The following ZZZ3 variants were observed in gnomAD, a reference collection of about 807,000 sequenced individuals.
ZZZ3 encodes ZZ-type zinc finger-containing protein 3.
In ZZZ3, 22 loss-of-function variants were observed where a neutral mutation model predicts 95.2. The ratio of observed to expected loss-of-function variants is 0.23; its 90% CI spans 0.17 to 0.33. The LOEUF (loss-of-function observed/expected upper bound fraction) is 0.33, where lower values mean the gene tolerates loss of function less well. Among genes scored for constraint, ZZZ3 ranks in the 10% least tolerant of loss-of-function variants. The probability of loss-of-function intolerance (pLI) is 1.00; values close to 1 mark genes in which losing one functional copy is unlikely to be tolerated. For synonymous variants in ZZZ3, 335 were observed against 358.9 expected (o/e 0.93, Z 0.75); for missense variants, 885 against 1,066.5 (o/e 0.83, Z 2.37).
At chr1:77,598,068 A>C (rs769216782) in intron 5 of ZZZ3, among the ~76,000 whole-genome samples, 1 of 152,140 alleles carries the variant, frequency 6.6e-6, no homozygotes, top group Non-Finnish European at 1.5e-5. Context: ...TCGACCCTTG[A>C]GCAACAACAG....
At chr1:77,618,801 A>G (rs1393617570) in intron 5 of ZZZ3, among the ~76,000 whole-genome samples, 1 of 152,234 alleles carries the variant, frequency 6.6e-6, no homozygotes, top group Non-Finnish European at 1.5e-5. Flanking sequence ...AGTAACTTGT[A>G]TAGGAAATTT....
intron 1 of ZZZ3, among the ~76,000 whole-genome samples, chr1:77,672,963 T>C (rs946958207): frequency 2.0e-5 from 3 of 152,110 alleles, no homozygotes; most frequent in African/African-American, 7.2e-5. Context: ...GGCTAAAACT[T>C]TACAATCATT....
intron 11 of ZZZ3, among the ~76,000 whole-genome samples, chr1:77,578,470 TTAAA>T (rs1049032850): frequency 3.3e-5 from 5 of 152,230 alleles, no homozygotes; most frequent in African/African-American, 1.2e-4. Context: ...GATTGATTTA[TTAAA>T]TAATCAAATA....
chr1:77,623,118 CTG>C (rs1160733469), intron 5 of ZZZ3, among the ~76,000 whole-genome samples: 1 of 152,136 alleles, frequency 6.6e-6, no homozygotes, highest in African/African-American at 2.4e-5. Context: ...CAGCATGTAA[CTG>C]TGATCTGTGA....
intron 1 of ZZZ3, among the ~76,000 whole-genome samples, chr1:77,679,505 G>A (rs1672557430): frequency 6.6e-6 from 1 of 151,948 alleles, no homozygotes; most frequent in Non-Finnish European, 1.5e-5. Context: ...GTCTGACTAT[G>A]TTGTTGCTGG....
chr1:77,626,349 T>G (rs1667333966), intron 5 of ZZZ3, among the ~76,000 whole-genome samples: 1 of 152,214 alleles, frequency 6.6e-6, no homozygotes, highest in African/African-American at 2.4e-5. Context: ...TATTCCATTG[T>G]AATATCTAAT....
intron 5 of ZZZ3, among the ~76,000 whole-genome samples, chr1:77,586,627 G>A (rs1229461548): frequency 1.3e-5 from 2 of 152,132 alleles, no homozygotes; most frequent in Non-Finnish European, 2.9e-5. Context: ...GGCAAATAAA[G>A]TACAGTTCTT....
intron 1 of ZZZ3, among the ~76,000 whole-genome samples, chr1:77,655,449 C>A (rs1470683045): frequency 6.6e-6 from 1 of 152,300 alleles, no homozygotes; most frequent in Non-Finnish European, 1.5e-5. Context: ...CATGTGAAGA[C>A]ACAGTGAGAA....
intron 3 of ZZZ3, chr1:77,641,173 T>C (rs1668747033): frequency 6.0e-6 from 1 of 167,118 alleles, no homozygotes; most frequent in Non-Finnish European, 1.3e-5. Context: ...CAGTGTGTGA[T>C]GGTAGTAGCA....
chr1:77,676,401 G>A (rs1222372695), intron 1 of ZZZ3, among the ~76,000 whole-genome samples: 1 of 152,184 alleles, frequency 6.6e-6, no homozygotes, highest in East Asian at 1.9e-4. Context: ...ATCCTGGGCT[G>A]AAGCGATCCT....
chr1:77,648,175 T>A (rs560816743), intron 1 of ZZZ3, among the ~76,000 whole-genome samples: 1 of 151,734 alleles, frequency 6.6e-6, no homozygotes, highest in East Asian at 1.9e-4. Flanking sequence ...CTGAGCAACA[T>A]GGCAAGACCC....
intron 1 of ZZZ3, among the ~76,000 whole-genome samples, chr1:77,664,365 A>T (rs965471556): frequency 2.0e-5 from 3 of 152,206 alleles, no homozygotes; most frequent in Non-Finnish European, 4.4e-5. Flanking sequence ...TCAATGATCC[A>T]TCAGAATTAA....
At chr1:77,619,237 T>G (rs879391512) in intron 5 of ZZZ3, among the ~76,000 whole-genome samples, 1 of 152,168 alleles carries the variant, frequency 6.6e-6, no homozygotes, top group East Asian at 1.9e-4. Flanking sequence ...AGTTAAAAAC[T>G]AATACTGTAA....
At position 77,675,743 on chromosome 1, in the gene ZZZ3, T is replaced by C. The variant is rs992786759; in HGVS notation, c.-403+6842A>G. On this transcript the variant is annotated intron_variant, in intron 1 of 14. Transcript: ENST00000370801. ...AATAAAATTAACAGCTTTGTAGCCA[T>C]CACAATTTCAAAATGTAAACAAACA... is the stretch of plus-strand genomic sequence containing the variant. Among the ~76,000 whole-genome samples, 17 of 152,314 alleles carry C rather than the reference T, an allele frequency of 1.1e-4. No homozygotes were observed. In the East Asian group the frequency reaches 3.3e-3, roughly 29 times the overall value.
At chr1:77,583,957 C>T (rs1196651022) in intron 6 of ZZZ3, among the ~76,000 whole-genome samples, 2 of 151,948 alleles carry the variant, frequency 1.3e-5, no homozygotes, top group Non-Finnish European at 2.9e-5. Context: ...TTCAGAAAAA[C>T]AAAATTATGG....
intron 5 of ZZZ3, among the ~76,000 whole-genome samples, chr1:77,625,701 A>G (rs1667269601): frequency 6.6e-6 from 1 of 152,078 alleles, no homozygotes; most frequent in Non-Finnish European, 1.5e-5. Context: ...TCAAAAAGAA[A>G]AGGTTAAGCC....
intron 6 of ZZZ3, among the ~76,000 whole-genome samples, chr1:77,582,920 C>T (rs1009563525): frequency 4.6e-5 from 7 of 151,986 alleles, no homozygotes; most frequent in African/African-American, 1.4e-4. Flanking sequence ...ACCTGGCCAA[C>T]ATGGTGAAAC....
chr1:77,670,484 C>T (rs1671674658), intron 1 of ZZZ3, among the ~76,000 whole-genome samples: 2 of 152,062 alleles, frequency 1.3e-5, no homozygotes, highest in South Asian at 4.1e-4. Flanking sequence ...GTCTCGAACT[C>T]CTGACCTCAG....
chr1:77,581,584 C>T (rs964014546), intron 8 of ZZZ3, among the ~76,000 whole-genome samples, 192 bp downstream of exon 8: 2 of 152,210 alleles, frequency 1.3e-5, no homozygotes, highest in African/African-American at 2.4e-5. Flanking sequence ...GAGACTTCAA[C>T]GTAAATGATG....
Sources: allele counts gnomAD v4.1 joint callset (sites outside exome capture counted in the v4.1 genomes callset), GRCh38; gene constraint gnomAD v4.1.1; transcripts MANE v1.5; gene names NCBI Gene and HGNC (gene_info 2026-07-23, HGNC 2026-07-21).